Variants in DNAJC16 observed in about 807,000 individuals in gnomAD.
The protein encoded by DNAJC16 is DnaJ heat shock protein family (Hsp40) member C16.
A neutral mutation model predicts 92.7 loss-of-function variants in DNAJC16; 76 were observed. That is an observed-to-expected ratio of 0.82 (90% CI 0.68 to 0.99). The LOEUF (loss-of-function observed/expected upper bound fraction) is 0.99, where lower values mean the gene tolerates loss of function less well. Among genes scored for constraint, DNAJC16 ranks in the 50% least tolerant of loss-of-function variants. The probability of loss-of-function intolerance (pLI) is 0.00; values close to 1 mark genes in which losing one functional copy is unlikely to be tolerated. For missense variants in DNAJC16, 869 were observed against 942.4 expected (o/e 0.92, Z 1.02); for synonymous variants, 328 against 358.7 (o/e 0.91, Z 0.97).
At position 15,571,717 on chromosome 1, in the gene DNAJC16, A is replaced by G. The variant is rs553000494; in HGVS notation, c.*3540A>G. On this transcript the variant is annotated 3_prime_UTR_variant, in exon 15 of 15. Transcript: ENST00000375847. Reference sequence around the variant, plus strand: ...TACAGAATGGAAAAAGAAATAAACTATTTTAATGTCTGATAATTATGGGGT... The same window carrying G: ...TACAGAATGGAAAAAGAAATAAACTGTTTTAATGTCTGATAATTATGGGGT... The G allele has an allele frequency of 1.3e-4, 20 of 152,600 alleles. No homozygotes were observed. The highest frequency in any genetic ancestry group is 4.3e-4 in the African/African-American group (18 of 41,584). 9.5% of individuals were successfully genotyped at this position (152,600 alleles called of 1,614,324 possible).
At chr1:15,541,736 C>T (rs1018171477) in intron 4 of DNAJC16, among the ~76,000 whole-genome samples, 4 of 152,024 alleles carry the variant, frequency 2.6e-5, no homozygotes, top group Non-Finnish European at 4.4e-5. Context: ...CAAGGATGCC[C>T]GTCAGCATTC....
intron 7 of DNAJC16, among the ~76,000 whole-genome samples, chr1:15,557,717 T>C (rs1638598294): frequency 6.6e-6 from 1 of 151,852 alleles, no homozygotes; most frequent in South Asian, 2.1e-4. Flanking sequence ...TAATATCTGA[T>C]AGGCGTTCTT....
At chr1:15,532,864 A>G (rs535894132) in intron 2 of DNAJC16, among the ~76,000 whole-genome samples, 48 of 152,326 alleles carry the variant, frequency 3.2e-4, no homozygotes, top group African/African-American at 1.1e-3. Flanking sequence ...AGCAGTCAAC[A>G]ATTTGGAGTT....
At chr1:15,565,608 C>A in intron 11 of DNAJC16, 2 of 265,392 alleles carry the variant, frequency 7.5e-6, no homozygotes, top group East Asian at 8.8e-5. Flanking sequence ...TCAGAAAATT[C>A]TTCCATGTTT....
chr1:15,544,969 G>T (rs113522594), intron 5 of DNAJC16, among the ~76,000 whole-genome samples: 1,747 of 152,188 alleles, frequency 0.011, 40 homozygotes, highest in African/African-American at 0.039. Flanking sequence ...TTGTCTTTAT[G>T]CAAATTTAAT....
chr1:15,550,863 T>C lies in DNAJC16; in HGVS notation c.1023+2435T>C, dbSNP rs117117107. Among the ~76,000 whole-genome samples, 180 of 152,256 alleles carry C rather than the reference T, an allele frequency of 1.2e-3. 2 individuals are homozygous for C. The East Asian group carries it at 0.03, about 25-fold the overall frequency. ...AAAACAAACCACTAGATTCACTTCA[T>C]GTATTTTGTTTTCTTTTGTTTTTGG... On this transcript the variant is annotated intron_variant, in intron 7 of 14. Coordinates refer to ENST00000375847, the MANE Select transcript of DNAJC16 (RefSeq NM_015291.4).
chr1:15,531,451 C>A (rs1016981726), intron 2 of DNAJC16, among the ~76,000 whole-genome samples: 8 of 152,238 alleles, frequency 5.3e-5, no homozygotes, highest in Non-Finnish European at 1.2e-4. Flanking sequence ...TGTTCTACAT[C>A]ATTTCAGACT....
At chr1:15,565,528 C>G (rs540543387) in intron 11 of DNAJC16, 1 of 219,362 alleles carries the variant, frequency 4.6e-6, no homozygotes, top group South Asian at 6.5e-5. Flanking sequence ...CTACTCCACC[C>G]CTCTGGGCTA....
chr1:15,533,444 T>C (rs1710705795), intron 2 of DNAJC16, among the ~76,000 whole-genome samples: 1 of 152,144 alleles, frequency 6.6e-6, no homozygotes, highest in African/African-American at 2.4e-5. Context: ...CCAGCCAACA[T>C]GGTGAAACCC....
intron 4 of DNAJC16, among the ~76,000 whole-genome samples, chr1:15,537,486 A>G (rs1570903389): frequency 6.6e-6 from 1 of 152,222 alleles, no homozygotes; most frequent in African/African-American, 2.4e-5. Context: ...AGCACAGAAT[A>G]ATGTTTTACT....
intron 8 of DNAJC16, chr1:15,560,063 C>CAAAAAAAAAA (rs34204724): frequency 1.3e-5 from 1 of 75,048 alleles, no homozygotes; most frequent in Non-Finnish European, 2.8e-5. Context: ...AACTCTGTCT[C>CAAAAAAAAAA]AAAAAAAAAA....
intron 2 of DNAJC16, among the ~76,000 whole-genome samples, chr1:15,531,413 C>T (rs1253759004): frequency 6.6e-6 from 1 of 152,206 alleles, no homozygotes; most frequent in South Asian, 2.1e-4. Context: ...ACATGACCTC[C>T]TTCCAGGGAC....
chr1:15,559,479 A>G (rs1193538654), intron 7 of DNAJC16, 47 bp from the exon 8 acceptor site: 2 of 1,609,764 alleles, frequency 1.2e-6, no homozygotes, highest in South Asian at 2.2e-5. Flanking sequence ...ATCTATTTGC[A>G]TTGAGAACAC....
intron 7 of DNAJC16, among the ~76,000 whole-genome samples, chr1:15,549,263 T>A (rs555193632): frequency 2.6e-4 from 40 of 152,298 alleles, no homozygotes; most frequent in Non-Finnish European, 3.7e-4. Flanking sequence ...TAGAGCTGCC[T>A]GTAGGAAATA....
At chr1:15,566,891 AAAAG>A (rs1421875079) in intron 13 of DNAJC16, among the ~76,000 whole-genome samples, 5 of 152,182 alleles carry the variant, frequency 3.3e-5, no homozygotes, top group East Asian at 3.8e-4. Flanking sequence ...CTCAAAAAGA[AAAAG>A]AAAAGCAGCA....
rs1638831276 is a variant in DNAJC16, at chr1:15,567,153, C to T, written c.1833C>T (p.Tyr611=). The change falls in exon 14 of 15, where the codon TAC becomes TAT. Residue 611 remains tyrosine (Y), a synonymous_variant. Transcript: ENST00000375847. ...TAACTGAACTCACAGATGTAACATA[C>T]ACCAGTAACTTGGTACGTCTGAGGC... The part of the protein sequence containing the change: ...VEVTELTDVT[Y]TSNLVRLRPG... The T allele has an allele frequency of 1.2e-6, 2 of 1,614,058 alleles. No individual in the cohort carries two copies. The highest frequency in any genetic ancestry group is 2.2e-5 in the East Asian group (1 of 44,882).
At chr1:15,561,150 CATAAT>C (rs1638682896) in intron 8 of DNAJC16, among the ~76,000 whole-genome samples, 1 of 150,348 alleles carries the variant, frequency 6.7e-6, no homozygotes, top group African/African-American at 2.4e-5. Context: ...TGATACCTGT[CATAAT>C]ATATCTGTTT....
rs536744335 is a variant in DNAJC16, at chr1:15,529,637, A to C, written c.167+365A>C. ...ATTCATAAAGTAACTTTATGAGTGT[A>C]ATTGCTAAACAGGAACACTATACAA... On this transcript the variant is annotated intron_variant, in intron 2 of 14. Coordinates refer to ENST00000375847, the MANE Select transcript of DNAJC16 (RefSeq NM_015291.4). Among the ~76,000 whole-genome samples, 423 of 152,322 alleles carry C rather than the reference A, an allele frequency of 2.8e-3. 1 individual carries two copies. The highest frequency in any genetic ancestry group is 9.7e-3 in the African/African-American group (404 of 41,570).
Position 15,566,150 on chromosome 1 carries a change from C to T in DNAJC16, c.1748C>T (p.Thr583Ile), listed in dbSNP as rs145198201. The change falls in exon 13 of 15, where the codon ACT becomes ATT. Residue 583 changes from threonine (T) to isoleucine (I), a missense_variant. Coordinates refer to ENST00000375847, the MANE Select transcript of DNAJC16 (RefSeq NM_015291.4). ...GAAGCCCAAGAGAAGACTGGGAAAACTGAGCCAAGCTTCACCAAAGAAAAC... is the reference window on the plus strand; with the variant it reads ...GAAGCCCAAGAGAAGACTGGGAAAATTGAGCCAAGCTTCACCAAAGAAAAC... ...KEEAQEKTGK[T>I]EPSFTKENSS... The T allele has an allele frequency of 4.3e-6, 7 of 1,613,914 alleles. No individual in the cohort carries two copies. The highest frequency in any genetic ancestry group is 1.3e-5 in the African/African-American group (1 of 74,880).
Sources: gnomAD v4.1 joint callset for allele counts (sites outside exome capture counted in the v4.1 genomes callset) on GRCh38, gnomAD v4.1.1 for gene constraint, MANE v1.5 for transcripts, NCBI Gene and HGNC (gene_info 2026-07-23, HGNC 2026-07-21) for gene names.